CORIN: variants seen among roughly 807,000 people sequenced by gnomAD.
CORIN encodes atrial natriuretic peptide-converting enzyme.
A neutral mutation model predicts 125.3 loss-of-function variants in CORIN; 117 were observed. The observed-to-expected ratio is 0.93, with a 90% CI of 0.80 to 1.09. The LOEUF is 1.09. Among genes scored for constraint, CORIN ranks in the 50% least tolerant of loss-of-function variants. The probability of loss-of-function intolerance (pLI) is 0.00; values close to 1 mark genes in which losing one functional copy is unlikely to be tolerated. For synonymous variants in CORIN, 450 were observed against 466.4 expected, an observed-to-expected ratio of 0.96 and a Z score of 0.45; for missense variants, 1,253 against 1,306.7, an observed-to-expected ratio of 0.96 and a Z score of 0.63.
At chr4:47,671,165 T>C (rs1360805070) in intron 10 of CORIN, among the ~76,000 whole-genome samples, 1 of 152,230 alleles carries the variant, frequency 6.6e-6, no homozygotes, top group African/African-American at 2.4e-5. Context: ...AAAATACTGA[T>C]GACTGGGTCC....
chr4:47,835,828 G>C (rs1733369386), intron 1 of CORIN, among the ~76,000 whole-genome samples: 2 of 152,202 alleles, frequency 1.3e-5, no homozygotes, highest in African/African-American at 4.8e-5. Context: ...GAAGGTTTCT[G>C]ATGGAATGAA....
intron 1 of CORIN, among the ~76,000 whole-genome samples, chr4:47,811,772 T>C (rs1732074015): frequency 1.3e-5 from 2 of 152,226 alleles, no homozygotes; most frequent in Non-Finnish European, 2.9e-5. Context: ...TCAGCACACC[T>C]AGTATTTTTG....
At chr4:47,697,507 G>A (rs1162293204) in intron 5 of CORIN, among the ~76,000 whole-genome samples, 4 of 151,878 alleles carry the variant, frequency 2.6e-5, no homozygotes, top group Non-Finnish European at 5.9e-5. Context: ...TGAGGTCAGG[G>A]GTTCAAGACC....
chr4:47,816,978 A>G (rs1214499447), intron 1 of CORIN, among the ~76,000 whole-genome samples: 2 of 152,178 alleles, frequency 1.3e-5, no homozygotes, highest in African/African-American at 4.8e-5. Flanking sequence ...TCTATTGAGC[A>G]ATACGGTGTG....
At chr4:47,613,821 G>A (rs1244834620) in intron 19 of CORIN, among the ~76,000 whole-genome samples, 3 of 116,950 alleles carry the variant, frequency 2.6e-5, no homozygotes, top group Non-Finnish European at 5.2e-5. Context: ...GGTGGGGGGA[G>A]GGGGGAGGGA....
chr4:47,681,713 T>A (rs1725288625), intron 7 of CORIN: 1 of 152,180 alleles, frequency 6.6e-6, no homozygotes. Context: ...ATTAGTATAG[T>A]CATTATGGAA....
chr4:47,750,073 A>C (rs1207248317), intron 4 of CORIN, among the ~76,000 whole-genome samples: 2 of 152,334 alleles, frequency 1.3e-5, no homozygotes, highest in Admixed American at 1.3e-4. Flanking sequence ...CAGGAACATA[A>C]ATCAACAGAT....
Position 47,805,135 on chromosome 4 carries a change from C to CA in CORIN, c.208+1767dup, listed in dbSNP as rs755747242. Among the ~76,000 whole-genome samples, 256 of 129,396 alleles carry CA rather than the reference C, an allele frequency of 2.0e-3. 1 individual carries two copies. Among genetic ancestry groups the CA allele is most frequent in the East Asian group, 0.018 (79 of 4,470 alleles). The allele number at this position is 129,396 out of a possible 152,430, so 84.9% of individuals were successfully genotyped here. A position where few individuals can be genotyped will look rare whatever the true frequency, so the allele number is the denominator to read the frequency against. On this transcript the variant is annotated intron_variant, in intron 2 of 21. Coordinates refer to ENST00000273857, the MANE Select transcript of CORIN (RefSeq NM_006587.4). Reference sequence around the variant, plus strand: ...TGGGCAACACAGCGAGACTCCATCTCAAAAAAAAAAAAAAATAATAATAAT... The same window carrying CA: ...TGGGCAACACAGCGAGACTCCATCTCAAAAAAAAAAAAAAAATAATAATAAT...
intron 10 of CORIN, among the ~76,000 whole-genome samples, chr4:47,671,607 C>T (rs1203306968): frequency 2.0e-5 from 3 of 152,090 alleles, no homozygotes; most frequent in Non-Finnish European, 2.9e-5. Context: ...TTTATTGAGA[C>T]GGAATCTCGA....
chr4:47,658,154 T>C (rs778477387), intron 12 of CORIN, among the ~76,000 whole-genome samples: 15 of 152,254 alleles, frequency 9.9e-5, no homozygotes, highest in Non-Finnish European at 2.1e-4. Flanking sequence ...GGGTAAACAT[T>C]CTTATTTCAA....
intron 12 of CORIN, among the ~76,000 whole-genome samples, chr4:47,659,094 A>C (rs1724130448): frequency 6.6e-6 from 1 of 152,216 alleles, no homozygotes; most frequent in African/African-American, 2.4e-5. Flanking sequence ...GATATGGGTG[A>C]ACCTTTCCCC....
In CORIN at chr4:47,623,879, C is replaced by A; in HGVS notation, c.2365+20G>T. 6.2e-7 allele frequency: 1 copy of A among 1,612,232 alleles called. No homozygotes were observed. Among genetic ancestry groups the A allele is most frequent in the South Asian group, 1.1e-5 (1 of 91,040 alleles). On this transcript the variant is annotated intron_variant, in intron 18 of 21. Transcript: ENST00000273857. ...TTCAATTAAGTTCATATCCCATTGC[C>A]ACACCTCTAATTCTCTCACCTTGTT...
intron 5 of CORIN, among the ~76,000 whole-genome samples, chr4:47,697,614 G>A (rs1024275918): frequency 1.3e-5 from 2 of 152,090 alleles, no homozygotes; most frequent in African/African-American, 2.4e-5. Flanking sequence ...CCCAGGAGGC[G>A]AGGCAAGAGA....
intron 21 of CORIN, among the ~76,000 whole-genome samples, chr4:47,598,898 G>C (rs16860432): frequency 0.044 from 6,651 of 152,262 alleles, 508 homozygotes; most frequent in African/African-American, 0.15. Flanking sequence ...CTAAGTATGT[G>C]CCAGATATCA....
intron 16 of CORIN, among the ~76,000 whole-genome samples, chr4:47,634,742 T>C (rs979345341): frequency 3.9e-5 from 6 of 152,224 alleles, no homozygotes; most frequent in African/African-American, 1.4e-4. Flanking sequence ...GACACTTTGA[T>C]TGGTCCATCT....
chr4:47,645,847 C>A (rs1560487000), intron 13 of CORIN, among the ~76,000 whole-genome samples: 1 of 152,148 alleles, frequency 6.6e-6, no homozygotes, highest in Non-Finnish European at 1.5e-5. Context: ...GATTGCACAA[C>A]TGCACTCCAG....
intron 1 of CORIN, among the ~76,000 whole-genome samples, chr4:47,825,151 A>G (rs574756978): frequency 1.3e-5 from 2 of 152,324 alleles, no homozygotes; most frequent in African/African-American, 4.8e-5. Flanking sequence ...GCCAAGCAAG[A>G]GAGGCTGTGT....
chr4:47,801,027 C>G (rs571803811), intron 2 of CORIN, among the ~76,000 whole-genome samples: 29 of 152,280 alleles, frequency 1.9e-4, no homozygotes, highest in South Asian at 1.0e-3. Context: ...CAACCTCCCT[C>G]CTGGATCCCC....
Position 47,672,986 on chromosome 4 carries a change from C to T in CORIN, c.1357+1407G>A, listed in dbSNP as rs148434275. ...CAGTGACCCAGAAAAATTAGGACCG[C>T]GAAACTGCAGCAAATGCAAGGCCGA... On this transcript the variant is annotated intron_variant, in intron 10 of 21. Coordinates refer to ENST00000273857, the MANE Select transcript of CORIN (RefSeq NM_006587.4). Among the ~76,000 whole-genome samples, 479 of 151,974 alleles carry T rather than the reference C, an allele frequency of 3.2e-3. 2 individuals are homozygous for T. The highest frequency in any genetic ancestry group is 0.011 in the African/African-American group (448 of 41,442).
Sources: allele counts gnomAD v4.1 joint callset (sites outside exome capture counted in the v4.1 genomes callset), GRCh38; gene constraint gnomAD v4.1.1; transcripts MANE v1.5; gene names NCBI Gene and HGNC (gene_info 2026-07-23, HGNC 2026-07-21).